The following BRCA2 variants were observed in gnomAD, a reference collection of about 807,000 sequenced individuals.
BRCA2 encodes the protein breast cancer type 2 susceptibility protein.
BRCA2 carries 203 observed loss-of-function variants against 276.7 expected under a neutral mutation model. That is an observed-to-expected ratio of 0.73 (90% CI 0.65 to 0.82). The LOEUF (loss-of-function observed/expected upper bound fraction) is 0.82, where lower values mean the gene tolerates loss of function less well. BRCA2 is among the 40% of genes least tolerant of loss of function. The pLI, the probability that BRCA2 is intolerant of heterozygous loss-of-function variation, is 0.00. For synonymous variants in BRCA2, 1,289 were observed against 1,338.4 expected, an observed-to-expected ratio of 0.96 and a Z score of 0.81; for missense variants, 3,920 against 3,915.0, an observed-to-expected ratio of 1.00 and a Z score of -0.03.
intron 20 of BRCA2, among the ~76,000 whole-genome samples, chr13:32,375,176 G>A (rs771139779): frequency 6.6e-6 from 1 of 152,166 alleles, no homozygotes; most frequent in Admixed American, 6.5e-5. Flanking sequence ...TCCGTCCCTC[G>A]ACACGTGAGG....
In BRCA2 at chr13:32,379,872, C is replaced by G. The variant is rs80359159; in HGVS notation, c.9076C>G (p.Gln3026Glu). ...SKSKSERANI[Q>E]LAATKKTQYQ... The stretch of plus-strand genomic sequence containing the variant: ...AAGTAAATCTGAAAGAGCTAACATA[C>G]AGTTAGCAGCGACAAAAAAAACTCA... Residue 3026 changes from glutamine (Q) to glutamate (E), a missense_variant, in exon 23 of 27, where the codon CAG becomes GAG. Coordinates refer to ENST00000380152, the MANE Select transcript of BRCA2 (RefSeq NM_000059.4). The G allele has an allele frequency of 2.5e-6, 4 of 1,613,490 alleles. No homozygotes were observed. The highest frequency in any genetic ancestry group is 3.4e-6 in the Non-Finnish European group (4 of 1,179,520).
rs2137666672 is a variant in BRCA2 at position 32,398,620 on chromosome 13, T to C, written c.10107T>C (p.Thr3369=). The C allele has an allele frequency of 6.2e-7, 1 of 1,614,066 alleles. No individual in the cohort carries two copies. Among genetic ancestry groups the C allele is most frequent in the Middle Eastern group, 1.6e-4 (1 of 6,062 alleles). The change falls in exon 27 of 27, where the codon ACT becomes ACC. Residue 3369 remains threonine (T), a synonymous_variant. Transcript: ENST00000380152. ...EKQFISVSES[T]RTAPTSSEDY... ...AATTTATATCTGTCAGTGAATCCAC[T>C]AGGACTGCTCCCACCAGTTCAGAAG...
chr13:32,373,250 G>A lies in BRCA2; in HGVS notation c.8632+2150G>A, dbSNP rs553373911. Among the ~76,000 whole-genome samples the A allele has an allele frequency of 7.3e-5, 11 of 151,564 alleles. No homozygotes were observed. In the South Asian group the frequency reaches 2.1e-3, roughly 29 times the overall value. ...TCGCTGGGTGGGGTGTCTCATTCCT[G>A]TAATCCCAGCACTTTGGGAGGCTGA... On this transcript the variant is annotated intron_variant, in intron 20 of 26. Transcript: ENST00000380152.
intron 6 of BRCA2, 57 bp downstream of exon 6, chr13:32,326,339 C>A (rs1222407294): frequency 1.3e-6 from 2 of 1,561,488 alleles, no homozygotes; most frequent in Non-Finnish European, 1.8e-6. Flanking sequence ...TTGACAATAG[C>A]GTTATACCTT....
Position 32,344,575 on chromosome 13 carries a change from A to T in BRCA2, c.6859A>T (p.Arg2287Ter), listed in dbSNP as rs876661261. Reference protein sequence around the residue: ...LILVGEPSIKRNLLNEFDRII... With the variant: ...LILVGEPSIK Reference sequence around the variant, plus strand: ...CTTTTTAGGAGAACCCTCAATCAAAAGAAACTTATTAAATGAATTTGACAG... The same window carrying T: ...CTTTTTAGGAGAACCCTCAATCAAATGAAACTTATTAAATGAATTTGACAG... Residue 2287 changes from arginine to a stop codon, truncating the protein, a stop_gained, in exon 12 of 27, where the codon AGA becomes TGA. Coordinates refer to ENST00000380152, the MANE Select transcript of BRCA2 (RefSeq NM_000059.4). LOFTEE classifies it high-confidence loss of function. The T allele has an allele frequency of 6.4e-7, 1 of 1,556,108 alleles. No individual in the cohort carries two copies. The highest frequency in any genetic ancestry group is 8.8e-7 in the Non-Finnish European group (1 of 1,130,068).
At position 32,355,194 on chromosome 13, in the gene BRCA2, T is replaced by C. The variant is rs4986858; in HGVS notation, c.7341T>C (p.Asn2447=). The C allele has an allele frequency of 9.9e-6, 16 of 1,613,590 alleles. No individual in the cohort carries two copies. The African/African-American group carries it at 1.9e-4, about 19-fold the overall frequency. Residue 2447 remains asparagine, a synonymous_variant, in exon 14 of 27, where the codon AAT becomes AAC. Transcript: ENST00000380152. The part of the protein sequence containing the change: ...IDGHGSDDSK[N]KINDNEIHQF... ...GACATGGCTCTGATGATAGTAAAAA[T>C]AAGATTAATGACAATGAGATTCATC... is the stretch of plus-strand genomic sequence containing the variant.
At chr13:32,316,151 G>T (rs1354483194) in intron 1 of BRCA2, among the ~76,000 whole-genome samples, 1 of 152,188 alleles carries the variant, frequency 6.6e-6, no homozygotes, top group Non-Finnish European at 1.5e-5. Context: ...CTAGCCACGC[G>T]TCACTGGTTA....
chr13:32,364,385 A>G (rs367952310), intron 18 of BRCA2, among the ~76,000 whole-genome samples: 2 of 152,232 alleles, frequency 1.3e-5, no homozygotes, highest in East Asian at 3.9e-4. Flanking sequence ...CTGTTTGACT[A>G]TTTTTTAGCT....
intron 16 of BRCA2, among the ~76,000 whole-genome samples, chr13:32,359,222 G>T (rs532967407): frequency 9.3e-6 from 1 of 107,382 alleles, no homozygotes; most frequent in South Asian, 3.1e-4. Context: ...TCCATCTCAA[G>T]AAAAAAAAAA....
At position 32,340,890 on chromosome 13, in the gene BRCA2, G is replaced by GA. The variant is rs80359601; in HGVS notation, c.6535_6536insA (p.Val2179AspfsTer10). 2.5e-6 allele frequency: 4 copies of GA among 1,606,540 alleles called. No homozygotes were observed. Among genetic ancestry groups the GA allele is most frequent in the Non-Finnish European group, 3.4e-6 (4 of 1,178,186 alleles). On this transcript the variant is annotated frameshift_variant, in exon 11 of 27. Coordinates refer to ENST00000380152, the MANE Select transcript of BRCA2 (RefSeq NM_000059.4). LOFTEE classifies it high-confidence loss of function. ...AGTGTCACTTGTTGAGAACATTCATGTTTTGGGAAAAGAACAGGCTTCACC... is the reference window on the plus strand; with the variant it reads ...AGTGTCACTTGTTGAGAACATTCATGATTTTGGGAAAAGAACAGGCTTCACC...
At chr13:32,327,982 G>C (rs1297747070) in intron 7 of BRCA2, among the ~76,000 whole-genome samples, 1 of 151,542 alleles carries the variant, frequency 6.6e-6, no homozygotes, top group Non-Finnish European at 1.5e-5. Flanking sequence ...GATGGGTCCC[G>C]CCATGTTGCC....
chr13:32,391,346 A>C (rs2072995519), intron 24 of BRCA2, among the ~76,000 whole-genome samples: 1 of 152,220 alleles, frequency 6.6e-6, no homozygotes, highest in African/African-American at 2.4e-5. Context: ...TTAGTCCCAC[A>C]GGGACTTCTG....
chr13:32,325,306 A>G, intron 4 of BRCA2, 122 bp downstream of exon 4: 2 of 695,694 alleles, frequency 2.9e-6, no homozygotes, highest in South Asian at 3.6e-5. Flanking sequence ...AGAAGATCTT[A>G]CATTTTTAAA....
At chr13:32,333,437 G>C (rs764834102) in intron 10 of BRCA2, 50 bp downstream of exon 10, 1 of 1,559,800 alleles carries the variant, frequency 6.4e-7, no homozygotes, top group South Asian at 1.2e-5. Context: ...TTTTATAGAT[G>C]ACGATTCCTT....
rs1042847922 is a variant in BRCA2, at chr13:32,398,986, G to A, written c.*216G>A. ...TCAGTTGCATATCTTAAAACTAAAT[G>A]TAATTTATTAACTAATCAAGAAAAA... On this transcript the variant is annotated 3_prime_UTR_variant, in exon 27 of 27. Transcript: ENST00000380152. 3 of 539,300 alleles carry A rather than the reference G, an allele frequency of 5.6e-6. No homozygotes were observed. In the African/African-American group the frequency reaches 5.8e-5, roughly 10 times the overall value. 33.4% of individuals were successfully genotyped at this position (539,300 alleles called of 1,614,324 possible).
chr13:32,365,843 G>A (rs1007980947), intron 18 of BRCA2, among the ~76,000 whole-genome samples: 11 of 149,134 alleles, frequency 7.4e-5, no homozygotes, highest in Non-Finnish European at 1.0e-4. Flanking sequence ...TCTTTAAGTG[G>A]TTCTTTTATA....
At chr13:32,387,598 C>A (rs952033365) in intron 24 of BRCA2, among the ~76,000 whole-genome samples, 2 of 152,200 alleles carry the variant, frequency 1.3e-5, no homozygotes, top group Admixed American at 6.5e-5. Flanking sequence ...ATTACGCAGG[C>A]CTGCCCGCAG....
In BRCA2 at chr13:32,333,398, CT is replaced by C. The variant is rs276174816; in HGVS notation, c.1909+22del. 0.04 allele frequency: 38,307 copies of C among 964,172 alleles called. No individual in the cohort carries two copies. The highest frequency in any genetic ancestry group is 0.056 in the South Asian group (2,630 of 46,806). 59.7% of individuals were successfully genotyped at this position (964,172 alleles called of 1,614,324 possible). ...CAAATGCTGATTCAGGTACCTCTGTCTTTTTTTTTTTGTAAATAGTACATAT... is the reference window on the plus strand; with the variant it reads ...CAAATGCTGATTCAGGTACCTCTGTCTTTTTTTTTTGTAAATAGTACATAT... On this transcript the variant is annotated intron_variant, in intron 10 of 26. Transcript: ENST00000380152.
intron 24 of BRCA2, among the ~76,000 whole-genome samples, chr13:32,380,732 G>A (rs1012655819): frequency 6.6e-6 from 1 of 151,534 alleles, no homozygotes; most frequent in Non-Finnish European, 1.5e-5. Context: ...AGTAGAGTCG[G>A]GGTTTCACCG....
Sources: allele counts gnomAD v4.1 joint callset (sites outside exome capture counted in the v4.1 genomes callset), GRCh38; gene constraint gnomAD v4.1.1; transcripts MANE v1.5; gene names NCBI Gene and HGNC (gene_info 2026-07-23, HGNC 2026-07-21).